ARHGAP15: variants seen among roughly 807,000 people sequenced by gnomAD.
The protein encoded by ARHGAP15 is rho GTPase-activating protein 15.
ARHGAP15 carries 51 observed loss-of-function variants against 63.7 expected under a neutral mutation model. The observed-to-expected ratio is 0.80, with a 90% CI of 0.64 to 1.01. The LOEUF (loss-of-function observed/expected upper bound fraction) is 1.01. ARHGAP15 is among the 50% of genes least tolerant of loss of function. The pLI is 0.00. For synonymous variants in ARHGAP15, 191 were observed against 193.8 expected (o/e 0.99, Z 0.12); for missense variants, 560 against 564.6 (o/e 0.99, Z 0.08).
intron 9 of ARHGAP15, among the ~76,000 whole-genome samples, chr2:143,493,087 T>G (rs551572426): frequency 6.6e-6 from 1 of 151,972 alleles, no homozygotes; most frequent in East Asian, 1.9e-4. Context: ...CATCAATTAA[T>G]CAATCTATCA....
intron 6 of ARHGAP15, among the ~76,000 whole-genome samples, chr2:143,367,575 A>G (rs1411077965): frequency 2.6e-5 from 4 of 151,980 alleles, no homozygotes; most frequent in Non-Finnish European, 4.4e-5. Context: ...TTGGGCATAC[A>G]TTAATTTATC....
At chr2:143,361,403 G>A (rs115530881) in intron 6 of ARHGAP15, among the ~76,000 whole-genome samples, 159 of 152,172 alleles carry the variant, frequency 1.0e-3, no homozygotes, top group African/African-American at 3.6e-3. Flanking sequence ...CTGTATTTCC[G>A]TAAAAGGGAA....
chr2:143,474,101 C>G (rs182291805), intron 8 of ARHGAP15, among the ~76,000 whole-genome samples: 1 of 152,272 alleles, frequency 6.6e-6, no homozygotes, highest in East Asian at 1.9e-4. Flanking sequence ...TTATATCCAG[C>G]AGGCACTCTT....
At position 143,492,374 on chromosome 2, in the gene ARHGAP15, CCTCTT is replaced by C. The variant is rs1310902298; in HGVS notation, c.826+4887_826+4891del. Among the ~76,000 whole-genome samples, 6 of 152,116 alleles carry C rather than the reference CCTCTT, an allele frequency of 3.9e-5. No individual in the cohort carries two copies. The East Asian group carries it at 5.8e-4, about 15-fold the overall frequency. On this transcript the variant is annotated intron_variant, in intron 9 of 13. Transcript: ENST00000295095. ...CCACCTTCTCCTCTCATCTCCTCTG[CCTCTT>C]CTCTTCTACTTCTATGTCATACAAA... is the stretch of plus-strand genomic sequence containing the variant.
chr2:143,656,470 C>A (rs1009547327), intron 12 of ARHGAP15, among the ~76,000 whole-genome samples: 30 of 152,186 alleles, frequency 2.0e-4, no homozygotes, highest in African/African-American at 7.0e-4. Flanking sequence ...TCCACTGGAA[C>A]CAATTTGATT....
chr2:143,153,840 T>TCCTCCTCCTCCTCC lies in ARHGAP15; in HGVS notation c.-14-1637_-14-1636insCCTCCTCCTCCTCC, dbSNP rs1553440925. Among the ~76,000 whole-genome samples, 65 of 78,398 alleles carry TCCTCCTCCTCCTCC rather than the reference T, an allele frequency of 8.3e-4. 5 individuals carry two copies. The highest frequency in any genetic ancestry group is 2.5e-3 in the Admixed American group (17 of 6,918). The allele number at this position is 78,398 out of a possible 152,430, so 51.4% of individuals were successfully genotyped here. The stretch of plus-strand genomic sequence containing the variant: ...CTTCTTCTTCTTCTTCTTCTTCTTC[T>TCCTCCTCCTCCTCC]TCTTCCTCCTCCTCCTCCTCCTCCT... On this transcript the variant is annotated intron_variant, in intron 1 of 13. Coordinates refer to ENST00000295095, the MANE Select transcript of ARHGAP15 (RefSeq NM_018460.4).
At chr2:143,173,956 C>A (rs1409924485) in intron 2 of ARHGAP15, among the ~76,000 whole-genome samples, 2 of 152,054 alleles carry the variant, frequency 1.3e-5, no homozygotes, top group African/African-American at 2.4e-5. Flanking sequence ...GTTTTATTCT[C>A]CTTGGTTGAA....
intron 6 of ARHGAP15, among the ~76,000 whole-genome samples, chr2:143,311,272 T>A (rs1227462507): frequency 1.3e-5 from 2 of 148,362 alleles, no homozygotes; most frequent in Non-Finnish European, 3.0e-5. Context: ...ATAAACTTAA[T>A]CCTCTTCCCC....
At chr2:143,255,890 A>C (rs1376770644) in intron 6 of ARHGAP15, among the ~76,000 whole-genome samples, 2 of 152,176 alleles carry the variant, frequency 1.3e-5, no homozygotes, top group African/African-American at 4.8e-5. Flanking sequence ...ATTCACGTCT[A>C]ACACAGTTGT....
intron 6 of ARHGAP15, among the ~76,000 whole-genome samples, chr2:143,303,157 C>T (rs1682992048): frequency 6.6e-6 from 1 of 151,882 alleles, no homozygotes; most frequent in Admixed American, 6.6e-5. Context: ...CCAAAATTGA[C>T]AAATGGGATC....
At chr2:143,330,132 C>CAAAAAAAAAA (rs367621500) in intron 6 of ARHGAP15, among the ~76,000 whole-genome samples, 4 of 48,948 alleles carry the variant, frequency 8.2e-5, no homozygotes, top group Middle Eastern at 0.018. Context: ...AAAAAAAAAA[C>CAAAAAAAAAA]CAAAAACAAA....
At chr2:143,290,429 GAAA>G (rs371602011) in intron 6 of ARHGAP15, among the ~76,000 whole-genome samples, 3 of 138,916 alleles carry the variant, frequency 2.2e-5, no homozygotes, top group Non-Finnish European at 4.7e-5. Context: ...TCCAAAAAAA[GAAA>G]AAAAAAAAGG....
chr2:143,294,303 A>G (rs1682537862), intron 6 of ARHGAP15, among the ~76,000 whole-genome samples: 1 of 152,128 alleles, frequency 6.6e-6, no homozygotes, highest in South Asian at 2.1e-4. Context: ...TGACATTTTG[A>G]CATTTAATGG....
At chr2:143,751,754 C>T (rs1203593250) in intron 13 of ARHGAP15, among the ~76,000 whole-genome samples, 1 of 152,158 alleles carries the variant, frequency 6.6e-6, no homozygotes, top group Non-Finnish European at 1.5e-5. Flanking sequence ...AATTTCTGCC[C>T]TGTTAATGCC....
chr2:143,668,904 G>T (rs1682374183), intron 12 of ARHGAP15, among the ~76,000 whole-genome samples: 2 of 151,950 alleles, frequency 1.3e-5, no homozygotes, highest in South Asian at 4.2e-4. Flanking sequence ...GAGGAAGGAT[G>T]GGAGAAAAAT....
At chr2:143,690,058 G>C (rs1048732646) in intron 12 of ARHGAP15, among the ~76,000 whole-genome samples, 3 of 152,178 alleles carry the variant, frequency 2.0e-5, no homozygotes, top group African/African-American at 2.4e-5. Context: ...GTTGGCATAG[G>C]CCTGGAGGCT....
intron 13 of ARHGAP15, among the ~76,000 whole-genome samples, chr2:143,754,521 C>T (rs1686500283): frequency 1.3e-5 from 2 of 152,148 alleles, no homozygotes; most frequent in Admixed American, 1.3e-4. Context: ...TACAAAGCAG[C>T]AATTTCTACT....
At chr2:143,660,726 C>T (rs1206046471) in intron 12 of ARHGAP15, among the ~76,000 whole-genome samples, 4 of 152,294 alleles carry the variant, frequency 2.6e-5, no homozygotes, top group South Asian at 4.1e-4. Context: ...GCTTACCATA[C>T]GTTTCCTTGA....
At chr2:143,324,005 T>A (rs2105233386) in intron 6 of ARHGAP15, among the ~76,000 whole-genome samples, 1 of 151,988 alleles carries the variant, frequency 6.6e-6, no homozygotes, top group East Asian at 1.9e-4. Context: ...TAATTAGCTT[T>A]GGAAAAACTA....
Sources: allele counts gnomAD v4.1 joint callset (sites outside exome capture counted in the v4.1 genomes callset), GRCh38; gene constraint gnomAD v4.1.1; transcripts MANE v1.5; gene names NCBI Gene and HGNC (gene_info 2026-07-23, HGNC 2026-07-21).